Variants in PFKM observed in about 807,000 individuals in gnomAD.
PFKM encodes the protein ATP-dependent 6-phosphofructokinase, muscle type.
In PFKM, 58 loss-of-function variants were observed where a neutral mutation model predicts 95.5. The observed-to-expected ratio is 0.61, with a 90% CI of 0.49 to 0.76. The LOEUF (loss-of-function observed/expected upper bound fraction) is 0.76. Ranked by LOEUF, PFKM falls within the 30% of genes least tolerant of loss-of-function variation. The pLI, the probability that PFKM is intolerant of heterozygous loss-of-function variation, is 0.00. For synonymous variants in PFKM, 336 were observed against 357.2 expected (o/e 0.94, Z 0.67); for missense variants, 678 against 1,005.4 (o/e 0.67, Z 4.40).
chr12:48,144,769 G>A (rs563919013), intron 20 of PFKM, among the ~76,000 whole-genome samples: 2 of 152,348 alleles, frequency 1.3e-5, no homozygotes, highest in East Asian at 3.9e-4. Flanking sequence ...GGATCTGGCA[G>A]CTGTGGAGCT....
intron 20 of PFKM, 123 bp downstream of exon 20, chr12:48,144,280 C>A (rs1950834694): frequency 1.4e-6 from 1 of 737,316 alleles, no homozygotes; most frequent in Non-Finnish European, 2.5e-6. Flanking sequence ...CCTGTCAGTG[C>A]CATCATAGAG....
chr12:48,132,776 C>G (rs940359590), intron 4 of PFKM, 92 bp from the exon 5 acceptor site: 5 of 1,100,950 alleles, frequency 4.5e-6, no homozygotes, highest in Non-Finnish European at 6.8e-6. Flanking sequence ...GGGAGTCACA[C>G]AGTTATGTTA....
At chr12:48,128,762 G>T (rs1949111612) in intron 2 of PFKM, among the ~76,000 whole-genome samples, 1 of 152,158 alleles carries the variant, frequency 6.6e-6, no homozygotes, top group East Asian at 1.9e-4. Flanking sequence ...CTTAGTGCTT[G>T]TTGGTATATT....
upstream of PFKM, chr12:48,105,856 A>G: frequency 1.7e-6 from 1 of 602,336 alleles, no homozygotes; most frequent in Non-Finnish European, 2.9e-6. Flanking sequence ...ACCGGACAGC[A>G]GGGGGGAGGG....
chr12:48,133,924 A>T (rs1287827749), intron 6 of PFKM, among the ~76,000 whole-genome samples: 3 of 152,068 alleles, frequency 2.0e-5, no homozygotes, highest in Non-Finnish European at 4.4e-5. Context: ...GGTAATCCTA[A>T]AGGATTCCAG....
At chr12:48,128,509 T>C (rs981333592) in intron 2 of PFKM, among the ~76,000 whole-genome samples, 1 of 152,202 alleles carries the variant, frequency 6.6e-6, no homozygotes, top group Admixed American at 6.5e-5. Flanking sequence ...GTGGTGGTCA[T>C]TGCTGTACCC....
chr12:48,132,825 T>C, intron 4 of PFKM, 43 bp from the exon 5 acceptor site: 1 of 1,529,562 alleles, frequency 6.5e-7, no homozygotes, highest in Non-Finnish European at 8.9e-7. Flanking sequence ...TCTCAGCATG[T>C]TGAGCCCTGT....
chr12:48,116,629 C>T (rs1947706234), upstream of PFKM, among the ~76,000 whole-genome samples: 1 of 152,136 alleles, frequency 6.6e-6, no homozygotes, highest in Admixed American at 6.5e-5. Context: ...CAGGCATGTG[C>T]CACCACACCT....
In PFKM at chr12:48,141,972, T is replaced by A; in HGVS notation, c.1559T>A (p.Ile520Asn). 1 of 1,614,148 alleles carries A rather than the reference T, an allele frequency of 6.2e-7. No individual in the cohort carries two copies. Among genetic ancestry groups the A allele is most frequent in the Non-Finnish European group, 8.5e-7 (1 of 1,179,998 alleles). The change falls in exon 17 of 23, where the codon ATC becomes AAC. Residue 520 changes from isoleucine to asparagine, a missense_variant. By Grantham distance (149) the Ile-to-Asn change is moderately radical (BLOSUM62 -3). Transcript: ENST00000359794. ...EGRKQFDELCIPFVVIPATVS... is the reference protein window; with the variant it reads ...EGRKQFDELCNPFVVIPATVS... ...AGGAAGCAGTTTGATGAGCTCTGCA[T>A]CCCATTTGTGGTCATTCCTGCTACA... is the stretch of plus-strand genomic sequence containing the variant.
chr12:48,140,168 C>T (rs1385726014), intron 13 of PFKM, among the ~76,000 whole-genome samples: 1 of 152,172 alleles, frequency 6.6e-6, no homozygotes, highest in Non-Finnish European at 1.5e-5. Flanking sequence ...AGATAGCATG[C>T]AAAGAATGGG....
At chr12:48,138,644 G>A (rs946999245) in intron 11 of PFKM, among the ~76,000 whole-genome samples, 9 of 152,322 alleles carry the variant, frequency 5.9e-5, no homozygotes, top group Middle Eastern at 3.4e-3. Context: ...TGGGTTACCT[G>A]TAGGATCTTC....
upstream of PFKM, among the ~76,000 whole-genome samples, chr12:48,117,889 C>T (rs990376518): frequency 5.9e-5 from 9 of 152,116 alleles, no homozygotes; most frequent in East Asian, 1.9e-4. Flanking sequence ...TCCAGAAAGG[C>T]GGGATAACTG....
intron 12 of PFKM, 124 bp from the exon 13 acceptor site, chr12:48,139,725 C>A: frequency 1.3e-6 from 1 of 740,976 alleles, no homozygotes; most frequent in Non-Finnish European, 2.5e-6. Flanking sequence ...TGCCCCAGTT[C>A]TGTCCTCAGA....
chr12:48,128,894 T>C (rs1949126614), intron 2 of PFKM, among the ~76,000 whole-genome samples: 1 of 152,210 alleles, frequency 6.6e-6, no homozygotes, highest in South Asian at 2.1e-4. Flanking sequence ...CCTTCATGGC[T>C]CTTAAGATTC....
intron 12 of PFKM, 45 bp from the exon 13 acceptor site, chr12:48,139,804 G>A: frequency 7.8e-7 from 1 of 1,287,018 alleles, no homozygotes; most frequent in Non-Finnish European, 1.1e-6. Context: ...TGCTGGCTGT[G>A]GGGAATGGCC....
rs952881139 is a variant in PFKM, at chr12:48,136,580, A to T, written c.937-1141A>T. ...TGGTAGTTTTTTGTTTCTTAAAAAA[A>T]TTTTTTTTCAAAGATACTGCCCAAC... On this transcript the variant is annotated intron_variant, in intron 10 of 22. Coordinates refer to ENST00000359794, the MANE Select transcript of PFKM (RefSeq NM_000289.6). Among the ~76,000 whole-genome samples, 9 of 151,196 alleles carry T rather than the reference A, an allele frequency of 6.0e-5. No homozygotes were observed. The South Asian group carries it at 8.4e-4, about 14-fold the overall frequency.
intron 2 of PFKM, chr12:48,108,011 TA>T: frequency 1.3e-6 from 2 of 1,569,384 alleles, no homozygotes; most frequent in South Asian, 2.2e-5. Context: ...TGAAAGGGAG[TA>T]AGGAACACTC....
At chr12:48,120,706 A>G (rs1398808006) in intron 1 of PFKM, among the ~76,000 whole-genome samples, 1 of 152,236 alleles carries the variant, frequency 6.6e-6, no homozygotes, top group Admixed American at 6.5e-5. Context: ...GTCATGAAGT[A>G]CTTTTTGCAA....
chr12:48,144,258 C>G lies in PFKM; in HGVS notation c.1992+101C>G, dbSNP rs541320351. On this transcript the variant is annotated intron_variant, in intron 20 of 22. Coordinates refer to ENST00000359794, the MANE Select transcript of PFKM (RefSeq NM_000289.6). ...GAGGCTTCCACTGGCCTTTTCCAGT[C>G]TTCTGGAGGAGCCTGTCAGTGCCAT... 12 of 799,178 alleles carry G rather than the reference C, an allele frequency of 1.5e-5. No homozygotes were observed. In the East Asian group the frequency reaches 3.0e-4, roughly 20 times the overall value. The allele number at this position is 799,178 out of a possible 1,614,324, so 49.5% of individuals were successfully genotyped here.
Sources: gnomAD v4.1 joint callset for allele counts (sites outside exome capture counted in the v4.1 genomes callset) on GRCh38, gnomAD v4.1.1 for gene constraint, MANE v1.5 for transcripts, NCBI Gene and HGNC (gene_info 2026-07-23, HGNC 2026-07-21) for gene names.